The following ARID1B variants were observed in gnomAD, a reference collection of about 807,000 sequenced individuals.
ARID1B encodes AT-rich interaction domain 1B.
In ARID1B, 30 loss-of-function variants were observed where a neutral mutation model predicts 212.3. The ratio of observed to expected loss-of-function variants is 0.14; its 90% CI spans 0.11 to 0.19. The LOEUF is 0.19. ARID1B is among the 10% of genes least tolerant of loss of function. The pLI is 1.00. For missense variants in ARID1B, 2,891 were observed against 3,204.0 expected, an observed-to-expected ratio of 0.90 and a Z score of 2.36; for synonymous variants, 1,402 against 1,301.7, an observed-to-expected ratio of 1.08 and a Z score of -1.66.
Position 156,846,833 on chromosome 6 carries a change from C to T in ARID1B, c.1986+17412C>T, listed in dbSNP as rs560466146. On this transcript the variant is annotated intron_variant, in intron 2 of 19. Transcript: ENST00000636930. The stretch of plus-strand genomic sequence containing the variant: ...TGGGAAGGGGGATCTCTGAATTGCT[C>T]CCTACAGATTGTTTACCCAGCCCCC... Among the ~76,000 whole-genome samples the T allele has an allele frequency of 4.6e-5, 7 of 152,252 alleles. No homozygotes were observed. The East Asian group carries it at 1.4e-3, about 29-fold the overall frequency.
chr6:156,868,219 A>G (rs1377255536), intron 2 of ARID1B, among the ~76,000 whole-genome samples: 1 of 152,250 alleles, frequency 6.6e-6, no homozygotes, highest in Non-Finnish European at 1.5e-5. Context: ...AAGAAGCTCA[A>G]TCATTCTTCT....
At chr6:157,021,986 C>T (rs1476519166) in intron 4 of ARID1B, among the ~76,000 whole-genome samples, 3 of 152,214 alleles carry the variant, frequency 2.0e-5, no homozygotes, top group Non-Finnish European at 2.9e-5. Flanking sequence ...GCATCTCTTT[C>T]CCCCTCTCAA....
At position 156,778,433 on chromosome 6, in the gene ARID1B, C is replaced by A. The variant is rs755407106; in HGVS notation, c.753C>A (p.Gly251=). The A allele has an allele frequency of 1.6e-5, 23 of 1,465,566 alleles. No individual in the cohort carries two copies. Among genetic ancestry groups the A allele is most frequent in the Non-Finnish European group, 2.0e-5 (22 of 1,113,726 alleles). The allele number at this position is 1,465,566 out of a possible 1,614,324, so 90.8% of individuals were successfully genotyped here. The change falls in exon 1 of 20, where the codon GGC becomes GGA. Residue 251 remains glycine, a synonymous_variant. Transcript: ENST00000636930. The part of the protein sequence containing the change: ...QHGGAKDSAA[G]GQADPPGPPL... ...GAGGCGCCAAGGACAGTGCTGCGGG[C>A]GGCCAGGCCGACCCCCCGGGCCCGC... is the stretch of plus-strand genomic sequence containing the variant.
intron 6 of ARID1B, among the ~76,000 whole-genome samples, chr6:157,124,181 C>T (rs1032528288): frequency 6.6e-5 from 10 of 152,186 alleles, no homozygotes; most frequent in Admixed American, 1.3e-4. Flanking sequence ...AGATGAAGAA[C>T]GAAACAATCC....
intron 3 of ARID1B, among the ~76,000 whole-genome samples, chr6:156,916,421 C>A (rs369496919): frequency 4.1e-4 from 62 of 152,216 alleles, no homozygotes; most frequent in African/African-American, 1.4e-3. Context: ...ACCCAACACT[C>A]GTCATTTCCT....
At chr6:156,808,637 G>A (rs1168820285) in intron 1 of ARID1B, among the ~76,000 whole-genome samples, 2 of 152,018 alleles carry the variant, frequency 1.3e-5, no homozygotes, top group Non-Finnish European at 2.9e-5. Context: ...ATATATAAGT[G>A]TACTAACTCT....
chr6:157,013,176 G>T (rs1484814931), intron 4 of ARID1B, among the ~76,000 whole-genome samples: 1 of 152,250 alleles, frequency 6.6e-6, no homozygotes, highest in Non-Finnish European at 1.5e-5. Flanking sequence ...ACGGCGCCCT[G>T]CCGGCATGAA....
At chr6:156,934,346 G>T (rs550248104) in intron 3 of ARID1B, among the ~76,000 whole-genome samples, 1 of 152,138 alleles carries the variant, frequency 6.6e-6, no homozygotes, top group Non-Finnish European at 1.5e-5. Context: ...AGTAAATGTG[G>T]TGTGGTGTGG....
chr6:156,906,971 T>A (rs557546250), intron 3 of ARID1B, among the ~76,000 whole-genome samples: 1 of 152,304 alleles, frequency 6.6e-6, no homozygotes, highest in East Asian at 1.9e-4. Context: ...ATATTAACTT[T>A]GTGTGTGTGT....
rs148204196 is a variant in ARID1B, at chr6:157,091,818, T to C, written c.2491+6913T>C. The stretch of plus-strand genomic sequence containing the variant: ...TTTATTTCTATATGTAAATGGTTCT[T>C]AGCCAGTGTCGTTTCGTGATGACAT... On this transcript the variant is annotated intron_variant, in intron 5 of 19. Transcript: ENST00000636930. Among the ~76,000 whole-genome samples, 104 of 152,384 alleles carry C rather than the reference T, an allele frequency of 6.8e-4. No homozygotes were observed. In the East Asian group the frequency reaches 0.016, roughly 24 times the overall value.
chr6:156,907,648 G>A (rs985994483), intron 3 of ARID1B, among the ~76,000 whole-genome samples: 1 of 151,536 alleles, frequency 6.6e-6, no homozygotes, highest in Admixed American at 6.6e-5. Flanking sequence ...GCTCATGCCT[G>A]TAATTCTATC....
intron 4 of ARID1B, among the ~76,000 whole-genome samples, chr6:156,988,456 G>A (rs1009957303): frequency 3.3e-5 from 5 of 152,086 alleles, no homozygotes; most frequent in African/African-American, 7.2e-5. Flanking sequence ...GGGGAGGAAC[G>A]GCTAGTGCAT....
chr6:156,861,237 T>A (rs1254567406), intron 2 of ARID1B, among the ~76,000 whole-genome samples: 1 of 152,142 alleles, frequency 6.6e-6, no homozygotes, highest in Non-Finnish European at 1.5e-5. Context: ...ATCCATTGCT[T>A]TATAATCCTA....
In ARID1B at chr6:156,779,107, C is replaced by T. The variant is rs1292013435; in HGVS notation, c.1427C>T (p.Ala476Val). ...GGCGGGGCCGCGAGCCTCAGCAAGG[C>T]GGCCGCCGGCTCGGCGGCGGGGGGC... ...GGGGAASLSK[A>V]AAGSAAGGFQ... Residue 476 changes from alanine to valine, a missense_variant, in exon 1 of 20, where the codon GCG becomes GTG. Transcript: ENST00000636930. 4 of 1,233,068 alleles carry T rather than the reference C, an allele frequency of 3.2e-6. No individual in the cohort carries two copies. The highest frequency in any genetic ancestry group is 4.4e-5 in the Admixed American group (1 of 22,718). 76.4% of individuals were successfully genotyped at this position (1,233,068 alleles called of 1,614,324 possible).
At chr6:156,889,778 C>T (rs1478755745) in intron 2 of ARID1B, among the ~76,000 whole-genome samples, 4 of 152,052 alleles carry the variant, frequency 2.6e-5, no homozygotes, top group African/African-American at 9.7e-5. Context: ...AAGGGACAGA[C>T]TGGCATGGAC....
chr6:157,100,914 A>C (rs1786008490), intron 5 of ARID1B, among the ~76,000 whole-genome samples: 1 of 152,236 alleles, frequency 6.6e-6, no homozygotes, highest in Non-Finnish European at 1.5e-5. Context: ...ACCCATAGTA[A>C]GAAGTTATAG....
At chr6:156,886,881 C>T (rs969283968) in intron 2 of ARID1B, among the ~76,000 whole-genome samples, 1 of 152,186 alleles carries the variant, frequency 6.6e-6, no homozygotes, top group Admixed American at 6.5e-5. Flanking sequence ...AGCATCTCCT[C>T]TTCCCTTCCC....
chr6:157,106,836 A>T lies in ARID1B; in HGVS notation c.2492-3636A>T, dbSNP rs116173116. ...TAAATAAAAAACCAAGTGAGGAAGA[A>T]GATGGCTCTTCTCACAATGGAATTC... On this transcript the variant is annotated intron_variant, in intron 5 of 19. Coordinates refer to ENST00000636930, the MANE Select transcript of ARID1B (RefSeq NM_001374828.1). Among the ~76,000 whole-genome samples, 797 of 152,340 alleles carry T rather than the reference A, an allele frequency of 5.2e-3. 8 individuals are homozygous for T. The highest frequency in any genetic ancestry group is 0.018 in the African/African-American group (747 of 41,570).
At chr6:156,865,785 C>G (rs1206405174) in intron 2 of ARID1B, among the ~76,000 whole-genome samples, 1 of 151,894 alleles carries the variant, frequency 6.6e-6, no homozygotes, top group Non-Finnish European at 1.5e-5. Context: ...TCCTCTAAGA[C>G]TGCTTCCCTC....
Sources: allele counts gnomAD v4.1 joint callset (sites outside exome capture counted in the v4.1 genomes callset), GRCh38; gene constraint gnomAD v4.1.1; transcripts MANE v1.5; gene names NCBI Gene and HGNC (gene_info 2026-07-23, HGNC 2026-07-21).